The following NAV3 variants were observed in gnomAD, a reference collection of about 807,000 sequenced individuals.
NAV3 encodes the protein neuron navigator 3.
A neutral mutation model predicts 244.7 loss-of-function variants in NAV3; 87 were observed. The ratio of observed to expected loss-of-function variants is 0.36; its 90% confidence interval spans 0.30 to 0.42. The LOEUF is 0.42. NAV3 is among the 20% of genes least tolerant of loss of function. The pLI is 1.00. For missense variants in NAV3, 2,663 were observed against 2,893.3 expected, an observed-to-expected ratio of 0.92 and a Z score of 1.83; for synonymous variants, 1,126 against 1,042.2, an observed-to-expected ratio of 1.08 and a Z score of -1.55.
rs1381363582 is a variant in NAV3, at chr12:78,188,735, T to C, written c.6013T>C (p.Tyr2005His). The C allele has an allele frequency of 1.2e-6, 2 of 1,612,234 alleles. No individual in the cohort carries two copies. The highest frequency in any genetic ancestry group is 1.7e-6 in the Non-Finnish European group (2 of 1,178,876). ...AGTGCCTGAATTGCTGCCTTGTGGA[T>C]ACCTTGTTGGAGATAATAACATCAT... ...LEVPELLPCG[Y>H]LVGDNNIITV... The change falls in exon 33 of 40, where the codon TAC becomes CAC. Residue 2005 changes from tyrosine to histidine, a missense_variant. Transcript: ENST00000397909.
chr12:77,753,525 A>C (rs950388851), intron 2 of NAV3, among the ~76,000 whole-genome samples: 1 of 152,190 alleles, frequency 6.6e-6, no homozygotes, highest in African/African-American at 2.4e-5. Flanking sequence ...CTCTCTTCTT[A>C]AAGACAATCC....
chr12:77,586,534 GTTAT>G (rs1296750280), intron 2 of NAV3, among the ~76,000 whole-genome samples: 5 of 152,128 alleles, frequency 3.3e-5, no homozygotes, highest in Admixed American at 6.5e-5. Flanking sequence ...TAACTGAAGT[GTTAT>G]TTGTTTTTTT....
intron 9 of NAV3, among the ~76,000 whole-genome samples, chr12:78,040,423 A>G (rs2137070764): frequency 6.6e-6 from 1 of 152,332 alleles, no homozygotes; most frequent in South Asian, 2.1e-4. Context: ...TTCAGTTAGA[A>G]GAATCCAAGG....
rs145604816 is a variant in NAV3 at position 78,175,159 on chromosome 12, C to T, written c.4982-147C>T. The T allele has an allele frequency of 6.4e-4, 478 of 745,868 alleles. 3 individuals are homozygous for T. In the East Asian group the frequency reaches 0.012, roughly 18 times the overall value. 46.2% of individuals were successfully genotyped at this position (745,868 alleles called of 1,614,324 possible). A position where few individuals can be genotyped will look rare whatever the true frequency, so the allele number is the denominator to read the frequency against. ...ACAAATATGGTTGTACTTTATTAAA[C>T]TTCTAAAGTCAAAACTGCATTGAAA... On this transcript the variant is annotated intron_variant, in intron 24 of 39. Coordinates refer to ENST00000397909, the MANE Select transcript of NAV3 (RefSeq NM_001024383.2).
chr12:78,138,076 GA>G (rs1768615999), intron 19 of NAV3, among the ~76,000 whole-genome samples: 1 of 152,058 alleles, frequency 6.6e-6, no homozygotes, highest in East Asian at 1.9e-4. Flanking sequence ...TATCCATAAA[GA>G]AAACTTACAG....
At chr12:77,940,139 T>G in intron 1 of NAV3, 180 bp from the exon 2 acceptor site, 4 of 567,478 alleles carry the variant, frequency 7.0e-6, no homozygotes, top group African/African-American at 1.9e-5. Flanking sequence ...AAATGAGAGA[T>G]AAGTTGGGGA....
intron 1 of NAV3, among the ~76,000 whole-genome samples, chr12:77,874,474 G>A (rs1207037557): frequency 2.0e-5 from 3 of 152,008 alleles, no homozygotes; most frequent in Non-Finnish European, 4.4e-5. Context: ...GCCTCTCAAA[G>A]TACTGGGATT....
intron 2 of NAV3, among the ~76,000 whole-genome samples, chr12:77,678,460 T>G (rs2137104877): frequency 6.6e-6 from 1 of 152,310 alleles, no homozygotes; most frequent in Non-Finnish European, 1.5e-5. Flanking sequence ...TAAGCATAAT[T>G]TTTTATTAAT....
chr12:77,911,727 C>G (rs2137051298), intron 1 of NAV3, among the ~76,000 whole-genome samples: 1 of 152,094 alleles, frequency 6.6e-6, no homozygotes, highest in East Asian at 1.9e-4. Context: ...TTATAGTACC[C>G]TATGTGAATT....
intron 1 of NAV3, among the ~76,000 whole-genome samples, chr12:77,880,535 G>A (rs1882495234): frequency 6.6e-6 from 1 of 152,082 alleles, no homozygotes; most frequent in Non-Finnish European, 1.5e-5. Context: ...GGAGTTATGT[G>A]GTTCATTGAT....
chr12:77,649,425 G>A (rs1218069054), intron 2 of NAV3, among the ~76,000 whole-genome samples: 1 of 151,826 alleles, frequency 6.6e-6, no homozygotes, highest in Non-Finnish European at 1.5e-5. Context: ...TCGTTCCATT[G>A]GTATTTCAAG....
rs1254436017 is a variant in NAV3 at position 78,168,832 on chromosome 12, G to C, written c.4947G>C (p.Gln1649His). The change falls in exon 24 of 40, where the codon CAG becomes CAC. Residue 1649 changes from glutamine (Q) to histidine (H), a missense_variant. Physicochemically the swap from Gln to His is conservative, Grantham distance 24. Coordinates refer to ENST00000397909, the MANE Select transcript of NAV3 (RefSeq NM_001024383.2). ...AQNSAAQAAIQGALNGPDHPP... is the reference protein window; with the variant it reads ...AQNSAAQAAIHGALNGPDHPP... ...ATTCTGCTGCCCAGGCGGCTATTCAGGGAGCACTGAATGGTCCAGACCATC... is the reference window on the plus strand; with the variant it reads ...ATTCTGCTGCCCAGGCGGCTATTCACGGAGCACTGAATGGTCCAGACCATC... 2.5e-6 allele frequency: 4 copies of C among 1,610,616 alleles called. No homozygotes were observed. The South Asian group carries it at 3.3e-5, about 13-fold the overall frequency.
At chr12:78,031,892 AT>A (rs1226789158) in intron 9 of NAV3, among the ~76,000 whole-genome samples, 17 of 151,914 alleles carry the variant, frequency 1.1e-4, no homozygotes, top group Middle Eastern at 3.4e-3. Context: ...TAATAAAAAA[AT>A]AATAATAATA....
At chr12:77,951,461 AC>A (rs1240905052) in intron 3 of NAV3, among the ~76,000 whole-genome samples, 16 of 152,266 alleles carry the variant, frequency 1.1e-4, no homozygotes, top group African/African-American at 3.9e-4. Context: ...ACACTTTTAC[AC>A]TGTTGGTGGG....
intron 15 of NAV3, among the ~76,000 whole-genome samples, chr12:78,121,588 G>A (rs1329097673): frequency 1.4e-5 from 2 of 142,552 alleles, no homozygotes; most frequent in African/African-American, 2.7e-5. Context: ...CATTATAATG[G>A]TTCTGTAAAT....
intron 20 of NAV3, among the ~76,000 whole-genome samples, chr12:78,143,782 C>T (rs2139136395): frequency 6.6e-6 from 1 of 152,196 alleles, no homozygotes; most frequent in Non-Finnish European, 1.5e-5. Flanking sequence ...TATGGAATAT[C>T]TAGCAATACT....
chr12:77,585,730 C>T (rs1175229749), intron 2 of NAV3, among the ~76,000 whole-genome samples: 3 of 152,200 alleles, frequency 2.0e-5, no homozygotes, highest in African/African-American at 4.8e-5. Context: ...TCACTCAGCT[C>T]CTGCTGTGTG....
chr12:77,662,017 TTAAC>T (rs59219930), intron 2 of NAV3, among the ~76,000 whole-genome samples: 12,529 of 151,782 alleles, frequency 0.083, 1,165 homozygotes, highest in African/African-American at 0.23. Flanking sequence ...CAAAATTATT[TTAAC>T]TATTCTAGGT....
chr12:77,576,986 A>T (rs1301813937), intron 2 of NAV3, among the ~76,000 whole-genome samples: 1 of 152,102 alleles, frequency 6.6e-6, no homozygotes, highest in African/African-American at 2.4e-5. Flanking sequence ...AGTAAGAATG[A>T]ATTGTAGTGT....
Sources: gnomAD v4.1 joint callset for allele counts (sites outside exome capture counted in the v4.1 genomes callset) on GRCh38, gnomAD v4.1.1 for gene constraint, MANE v1.5 for transcripts, NCBI Gene and HGNC (gene_info 2026-07-23, HGNC 2026-07-21) for gene names.